TM9SF4: variants seen among roughly 807,000 people sequenced by gnomAD.
The protein encoded by TM9SF4 is dinucleotide oxidase disulfide thiol exchanger 3 superfamily member 4.
Under a neutral mutation model 90.4 loss-of-function variants are expected in TM9SF4, and 26 were observed. The ratio of observed to expected loss-of-function variants is 0.29; its 90% confidence interval spans 0.21 to 0.40. The LOEUF is 0.40. TM9SF4 is among the 10% of genes least tolerant of loss of function. The pLI is 1.00. For missense variants in TM9SF4, 549 were observed against 834.8 expected, an observed-to-expected ratio of 0.66 and a Z score of 4.22; for synonymous variants, 293 against 315.4, an observed-to-expected ratio of 0.93 and a Z score of 0.75.
At chr20:32,160,494 C>T (rs1296134920) in intron 16 of TM9SF4, among the ~76,000 whole-genome samples, 1 of 152,166 alleles carries the variant, frequency 6.6e-6, no homozygotes, top group East Asian at 1.9e-4. Flanking sequence ...AACAGTCCCT[C>T]TGGGCTGGGA....
intron 1 of TM9SF4, among the ~76,000 whole-genome samples, chr20:32,124,381 A>G (rs1193626924): frequency 6.6e-6 from 1 of 152,184 alleles, no homozygotes; most frequent in Non-Finnish European, 1.5e-5. Flanking sequence ...GTGGCAGTAC[A>G]GTTCTTCTTG....
At chr20:32,156,718 C>T (rs1374316291) in intron 13 of TM9SF4, among the ~76,000 whole-genome samples, 1 of 151,228 alleles carries the variant, frequency 6.6e-6, no homozygotes, top group Non-Finnish European at 1.5e-5. Context: ...GTGGTCCTCC[C>T]ACCTCAGCCC....
intron 17 of TM9SF4, among the ~76,000 whole-genome samples, chr20:32,162,783 A>G (rs760546767): frequency 9.9e-5 from 15 of 152,274 alleles, no homozygotes; most frequent in Middle Eastern, 3.4e-3. Context: ...GAACAAATCT[A>G]ATCTCCCTCC....
Position 32,109,720 on chromosome 20 carries a change from A to G in TM9SF4, c.-21A>G, listed in dbSNP as rs763981424. 1 of 1,551,590 alleles carries G rather than the reference A, an allele frequency of 6.4e-7. No individual in the cohort carries two copies. Among genetic ancestry groups the G allele is most frequent in the South Asian group, 1.2e-5 (1 of 84,062 alleles). On this transcript the variant is annotated 5_prime_UTR_variant, in exon 1 of 18. Coordinates refer to ENST00000398022, the MANE Select transcript of TM9SF4 (RefSeq NM_014742.4). ...GAGCACCACTTCCGCTGACGTCATT[A>G]CGGCGACACGTGGATCCAAGATGGC...
At chr20:32,111,914 GT>G (rs1333376486) in intron 1 of TM9SF4, among the ~76,000 whole-genome samples, 1 of 152,232 alleles carries the variant, frequency 6.6e-6, no homozygotes, top group Non-Finnish European at 1.5e-5. Context: ...AAGAGCAACT[GT>G]TTTGAGAAGC....
intron 17 of TM9SF4, among the ~76,000 whole-genome samples, chr20:32,163,044 G>A (rs914259804): frequency 2.6e-5 from 4 of 151,800 alleles, no homozygotes; most frequent in South Asian, 2.1e-4. Context: ...TCAAGAGATC[G>A]AGTCCATCCT....
rs2047092138 is a variant in TM9SF4 at position 32,165,844 on chromosome 20, A to T, written c.*400A>T. 5.0e-6 allele frequency: 1 copy of T among 198,352 alleles called. No homozygotes were observed. The highest frequency in any genetic ancestry group is 2.3e-5 in the African/African-American group (1 of 42,600). 12.3% of individuals were successfully genotyped at this position (198,352 alleles called of 1,614,324 possible). A position where few individuals can be genotyped will look rare whatever the true frequency, so the allele number is the denominator to read the frequency against. Reference sequence around the variant, plus strand: ...GTCACTGTCTCCACCTCAGTTCCTCAGGGCTGTTGGCCACCCTATGACTAA... The same window carrying T: ...GTCACTGTCTCCACCTCAGTTCCTCTGGGCTGTTGGCCACCCTATGACTAA... On this transcript the variant is annotated 3_prime_UTR_variant, in exon 18 of 18. Transcript: ENST00000398022.
intron 13 of TM9SF4, 34 bp from the exon 14 acceptor site, chr20:32,157,760 G>T (rs1472174700): frequency 2.5e-6 from 4 of 1,610,178 alleles, no homozygotes; most frequent in Non-Finnish European, 2.5e-6. Context: ...GGGCATCAGG[G>T]CCTCGTGGGG....
At chr20:32,123,832 G>C (rs906769023) in intron 1 of TM9SF4, among the ~76,000 whole-genome samples, 1 of 132,982 alleles carries the variant, frequency 7.5e-6, no homozygotes, top group Non-Finnish European at 1.6e-5. Flanking sequence ...TCTAGCTCAC[G>C]TGTTCTCTCT....
chr20:32,158,430 C>G, intron 14 of TM9SF4, 21 bp from the exon 15 acceptor site: 1 of 1,614,096 alleles, frequency 6.2e-7, no homozygotes. Flanking sequence ...CTAACAATGT[C>G]AACCTCTCGT....
At chr20:32,160,975 A>T (rs2047009077) in intron 16 of TM9SF4, 2 of 175,760 alleles carry the variant, frequency 1.1e-5, no homozygotes, top group Non-Finnish European at 2.3e-5. Flanking sequence ...AAAAAAAAAA[A>T]AAGAATAGTG....
chr20:32,158,329 G>A, intron 14 of TM9SF4, 122 bp from the exon 15 acceptor site: 1 of 971,868 alleles, frequency 1.0e-6, no homozygotes, highest in Non-Finnish European at 1.6e-6. Flanking sequence ...ACAGAAATAT[G>A]CCAGAAGAAT....
intron 8 of TM9SF4, 86 bp from the exon 9 acceptor site, chr20:32,146,699 A>G (rs1284841576): frequency 2.5e-5 from 34 of 1,370,364 alleles, no homozygotes; most frequent in Non-Finnish European, 3.4e-5. Flanking sequence ...GCTGTCGCAC[A>G]GTAAAACATC....
At chr20:32,142,092 G>T (rs2046690126) in intron 5 of TM9SF4, among the ~76,000 whole-genome samples, 197 bp downstream of exon 5, 1 of 152,006 alleles carries the variant, frequency 6.6e-6, no homozygotes, top group Non-Finnish European at 1.5e-5. Flanking sequence ...CAATTCTTAG[G>T]AAGTTAGGTT....
chr20:32,117,081 G>C (rs562083785), intron 1 of TM9SF4, among the ~76,000 whole-genome samples: 9 of 151,280 alleles, frequency 5.9e-5, no homozygotes, highest in African/African-American at 2.2e-4. Flanking sequence ...AAAAATTGCC[G>C]GGTCTGGTGG....
In TM9SF4 at chr20:32,141,490, A is replaced by G; in HGVS notation, c.230-7A>G. On this transcript the variant is annotated splice_polypyrimidine_tract_variant and splice_region_variant and intron_variant, in intron 3 of 17. Transcript: ENST00000398022. ...GCTCTGAGCTTGATCTGTCTCTCTT[A>G]CGGCAGGAGAGGTGCTGAGAGGGGA... 1 of 1,613,704 alleles carries G rather than the reference A, an allele frequency of 6.2e-7. No homozygotes were observed. The highest frequency in any genetic ancestry group is 1.1e-5 in the South Asian group (1 of 91,060).
At chr20:32,156,942 C>CTTTTCTT (rs1216999381) in intron 13 of TM9SF4, among the ~76,000 whole-genome samples, 11 of 103,500 alleles carry the variant, frequency 1.1e-4, no homozygotes, top group Non-Finnish European at 1.6e-4. Context: ...TGGACATTTT[C>CTTTTCTT]TTTTTTTTTT....
At chr20:32,146,961 A>T (rs2046771842) in intron 9 of TM9SF4, 106 bp downstream of exon 9, 2 of 1,103,608 alleles carry the variant, frequency 1.8e-6, no homozygotes, top group Non-Finnish European at 2.6e-6. Context: ...AAACCTCAAA[A>T]TACTAAAACA....
At chr20:32,163,264 A>G (rs1273194290) in intron 17 of TM9SF4, among the ~76,000 whole-genome samples, 1 of 79,798 alleles carries the variant, frequency 1.3e-5, no homozygotes, top group African/African-American at 5.6e-5. Context: ...AAAAAAAAAA[A>G]AAAAATATAT....
Sources: gnomAD v4.1 joint callset for allele counts (sites outside exome capture counted in the v4.1 genomes callset) on GRCh38, gnomAD v4.1.1 for gene constraint, MANE v1.5 for transcripts, NCBI Gene and HGNC (gene_info 2026-07-23, HGNC 2026-07-21) for gene names.